The following TBCE variants were observed in gnomAD, a reference collection of about 807,000 sequenced individuals.
TBCE encodes tubulin-specific chaperone E.
Under a neutral mutation model 77.0 loss-of-function variants are expected in TBCE, and 53 were observed. The observed-to-expected ratio is 0.69, with a 90% confidence interval of 0.55 to 0.87. TBCE has a LOEUF of 0.87. Ranked by LOEUF, TBCE falls within the 40% of genes least tolerant of loss-of-function variation. The pLI is 0.00. For missense variants in TBCE, 624 were observed against 622.4 expected (o/e 1.00, Z -0.03); for synonymous variants, 235 against 241.3 (o/e 0.97, Z 0.24).
chr1:235,415,219 T>G (rs942998133), intron 4 of TBCE: 5 of 154,548 alleles, frequency 3.2e-5, no homozygotes, highest in Non-Finnish European at 7.2e-5. Context: ...TCTTGAACTC[T>G]TGGGCTCAAG....
chr1:235,416,276 A>G (rs1354564238), intron 4 of TBCE: 1 of 151,902 alleles, frequency 6.6e-6, no homozygotes, highest in African/African-American at 2.4e-5. Flanking sequence ...TCATAGGGTT[A>G]GAGTTCTTTG....
chr1:235,371,370 T>A (rs1676941895), intron 1 of TBCE, among the ~76,000 whole-genome samples: 1 of 151,010 alleles, frequency 6.6e-6, no homozygotes, highest in Admixed American at 6.6e-5. Context: ...TTGTCTTTTT[T>A]TTTTTCCCTT....
At chr1:235,373,467 G>A (rs148292646) in intron 1 of TBCE, among the ~76,000 whole-genome samples, 1 of 151,088 alleles carries the variant, frequency 6.6e-6, no homozygotes, top group African/African-American at 2.4e-5. Flanking sequence ...TCTTTGAGAC[G>A]CAGTCTCACT....
At chr1:235,371,038 CTTTTTTTTTTTTTTTTTTTT>C (rs71174417) in intron 1 of TBCE, among the ~76,000 whole-genome samples, 2 of 23,310 alleles carry the variant, frequency 8.6e-5, no homozygotes, top group African/African-American at 2.7e-4. Context: ...TCACGCCTGG[CTTTTTTTTTTTTTTTTTTTT>C]TTTTTTTTTT....
chr1:235,414,388 T>A (rs764730597), intron 3 of TBCE, 45 bp from the exon 4 acceptor site: 7 of 1,599,954 alleles, frequency 4.4e-6, no homozygotes, highest in Non-Finnish European at 6.0e-6. Context: ...ATGGCCTTTC[T>A]TGGTGGGTAA....
rs1457355926 is a variant in TBCE at position 235,384,086 on chromosome 1, G to C, written c.100+3937G>C. On this transcript the variant is annotated intron_variant, in intron 2 of 16. Coordinates refer to ENST00000642610, the MANE Select transcript of TBCE (RefSeq NM_003193.5). ...CTATTGAGATAATCATGTGGTTTTT[G>C]TCTTTGGTTCTGTTTATATGCTGGA... 2.0e-5 allele frequency among the ~76,000 whole-genome samples: 3 copies of C among 149,014 alleles called. No individual in the cohort carries two copies. In the Admixed American group the frequency reaches 2.0e-4, roughly 10 times the overall value.
intron 2 of TBCE, among the ~76,000 whole-genome samples, chr1:235,388,729 A>T (rs1446463173): frequency 6.6e-6 from 1 of 152,212 alleles, no homozygotes; most frequent in Non-Finnish European, 1.5e-5. Context: ...TTAGCTAGAG[A>T]TTTACACTTA....
chr1:235,409,694 A>C (rs1679658738), intron 3 of TBCE, among the ~76,000 whole-genome samples: 3 of 150,106 alleles, frequency 2.0e-5, no homozygotes, highest in African/African-American at 7.4e-5. Flanking sequence ...TTGTTTTTTT[A>C]CCATGGTTTT....
chr1:235,384,777 C>G (rs1406905337), intron 2 of TBCE, among the ~76,000 whole-genome samples: 1 of 152,116 alleles, frequency 6.6e-6, no homozygotes, highest in Non-Finnish European at 1.5e-5. Flanking sequence ...CTCCTGGATT[C>G]ATTAGATTTT....
At chr1:235,411,223 G>A (rs1053073039) in intron 3 of TBCE, among the ~76,000 whole-genome samples, 1 of 152,218 alleles carries the variant, frequency 6.6e-6, no homozygotes, top group African/African-American at 2.4e-5. Context: ...TCATTCTCTT[G>A]TCTTCCATAG....
intron 2 of TBCE, among the ~76,000 whole-genome samples, chr1:235,388,852 C>G (rs549042445): frequency 6.6e-6 from 1 of 152,298 alleles, no homozygotes; most frequent in South Asian, 2.1e-4. Flanking sequence ...TATGGTACAG[C>G]CTCAACAAAT....
At chr1:235,370,524 T>C (rs944893852) in intron 1 of TBCE, among the ~76,000 whole-genome samples, 5 of 151,716 alleles carry the variant, frequency 3.3e-5, no homozygotes, top group Admixed American at 2.6e-4. Context: ...GTGCTGGGAT[T>C]ACAGGCGTGA....
intron 3 of TBCE, among the ~76,000 whole-genome samples, chr1:235,410,257 TATA>T (rs1159645299): frequency 3.9e-5 from 6 of 151,940 alleles, no homozygotes; most frequent in Admixed American, 3.3e-4. Flanking sequence ...CAAAAAAAAT[TATA>T]ATAAAGGAAT....
At chr1:235,378,388 T>C (rs1221324822) in intron 1 of TBCE, among the ~76,000 whole-genome samples, 2 of 67,022 alleles carry the variant, frequency 3.0e-5, no homozygotes, top group Non-Finnish European at 5.2e-5. Flanking sequence ...GCCTGGCTAA[T>C]TTTTGTATTT....
intron 2 of TBCE, among the ~76,000 whole-genome samples, chr1:235,397,871 C>G (rs930895562): frequency 1.3e-5 from 2 of 152,158 alleles, no homozygotes; most frequent in Non-Finnish European, 2.9e-5. Context: ...TGTCTGTCCA[C>G]TCTCTTACTC....
intron 5 of TBCE, among the ~76,000 whole-genome samples, chr1:235,421,861 C>T (rs917800948): frequency 6.6e-6 from 1 of 152,108 alleles, no homozygotes; most frequent in Non-Finnish European, 1.5e-5. Context: ...TGAAGAGATG[C>T]CAGGTGAAGT....
chr1:235,383,843 C>G (rs1572332581), intron 2 of TBCE, among the ~76,000 whole-genome samples: 1 of 152,144 alleles, frequency 6.6e-6, no homozygotes, highest in South Asian at 2.1e-4. Context: ...GCCAGAACTT[C>G]CAACACTATG....
rs1037680779 is a variant in TBCE, at chr1:235,392,173, A to G, written c.101-9330A>G. On this transcript the variant is annotated intron_variant, in intron 2 of 16. Transcript: ENST00000642610. ...CCCTGTCTCTAGCAAAAATAAATAA[A>G]TAAATAAATAAGTACATAAATAAAA... Among the ~76,000 whole-genome samples the G allele has an allele frequency of 2.0e-5, 3 of 151,688 alleles. No individual in the cohort carries two copies. In the Admixed American group the frequency reaches 2.0e-4, roughly 10 times the overall value.
At chr1:235,386,102 C>A (rs949141746) in intron 2 of TBCE, among the ~76,000 whole-genome samples, 25 of 152,128 alleles carry the variant, frequency 1.6e-4, no homozygotes, top group Non-Finnish European at 3.2e-4. Flanking sequence ...ATATGAAATT[C>A]TGGGTTGAAA....
Sources: gnomAD v4.1 joint callset for allele counts (sites outside exome capture counted in the v4.1 genomes callset) on GRCh38, gnomAD v4.1.1 for gene constraint, MANE v1.5 for transcripts, NCBI Gene and HGNC (gene_info 2026-07-23, HGNC 2026-07-21) for gene names.